ZNF124: variants seen among roughly 807,000 people sequenced by gnomAD.
ZNF124 encodes the protein zinc finger protein HZF-16.
In ZNF124, 25 loss-of-function variants were observed where a neutral mutation model predicts 26.6. The ratio of observed to expected loss-of-function variants is 0.94; its 90% CI spans 0.68 to 1.31. ZNF124 has a LOEUF of 1.31. Among genes scored for constraint, ZNF124 ranks in the 40% most tolerant of loss-of-function variants. ZNF124 has a pLI of 0.00. For missense variants in ZNF124, 444 were observed against 422.2 expected, an observed-to-expected ratio of 1.05 and a Z score of -0.45; for synonymous variants, 129 against 133.3, an observed-to-expected ratio of 0.97 and a Z score of 0.22.
intron 3 of ZNF124, among the ~76,000 whole-genome samples, chr1:247,133,104 A>G (rs1338590592): frequency 6.6e-6 from 1 of 152,198 alleles, no homozygotes; most frequent in African/African-American, 2.4e-5. Context: ...TTCATGAAGC[A>G]CACACAAGTA....
chr1:247,149,896 C>T (rs563014072), intron 3 of ZNF124: 1 of 152,338 alleles, frequency 6.6e-6, no homozygotes, highest in East Asian at 1.9e-4. Flanking sequence ...AAGCCATTGG[C>T]AGACTGTCTC....
chr1:247,145,474 CG>C (rs1364858622), intron 3 of ZNF124, among the ~76,000 whole-genome samples: 2 of 152,174 alleles, frequency 1.3e-5, no homozygotes, highest in South Asian at 2.1e-4. Context: ...TGAGAACGGT[CG>C]GGGGCCTCCC....
At chr1:247,141,477 GTC>G (rs1309761079) in intron 3 of ZNF124, among the ~76,000 whole-genome samples, 1 of 152,168 alleles carries the variant, frequency 6.6e-6, no homozygotes, top group Non-Finnish European at 1.5e-5. Flanking sequence ...GAAAAGACTA[GTC>G]TCTCGGTATG....
chr1:247,154,883 T>C (rs1477342778), downstream of ZNF124, among the ~76,000 whole-genome samples: 1 of 152,120 alleles, frequency 6.6e-6, no homozygotes, highest in Non-Finnish European at 1.5e-5. Context: ...AGAATAAATT[T>C]GAAAAACCAC....
At chr1:247,170,859 T>C (rs1423096331) in intron 1 of ZNF124, among the ~76,000 whole-genome samples, 1 of 126,702 alleles carries the variant, frequency 7.9e-6, no homozygotes, top group African/African-American at 3.6e-5. Context: ...CAAGGGTCAA[T>C]CTGTAACCAG....
At chr1:247,158,561 T>C (rs964275843) in intron 3 of ZNF124, among the ~76,000 whole-genome samples, 4 of 152,202 alleles carry the variant, frequency 2.6e-5, no homozygotes, top group South Asian at 2.1e-4. Flanking sequence ...CCATGTTACA[T>C]TGAAGTATAT....
chr1:247,143,229 C>A (rs1470571574), intron 3 of ZNF124, among the ~76,000 whole-genome samples: 1 of 151,806 alleles, frequency 6.6e-6, no homozygotes, highest in Non-Finnish European at 1.5e-5. Flanking sequence ...CAAGACACAC[C>A]CAAATGCCTA....
chr1:247,170,933 C>CT (rs1337888892), intron 1 of ZNF124, among the ~76,000 whole-genome samples: 1 of 99,920 alleles, frequency 1.0e-5, no homozygotes, highest in Non-Finnish European at 1.8e-5. Context: ...GTTTTTACTT[C>CT]TTCTTTCTTT....
chr1:247,143,353 C>T (rs1672677691), intron 3 of ZNF124, among the ~76,000 whole-genome samples: 1 of 152,166 alleles, frequency 6.6e-6, no homozygotes, highest in African/African-American at 2.4e-5. Context: ...AATGTGTGAT[C>T]AGAGGCTTTC....
intron 3 of ZNF124, among the ~76,000 whole-genome samples, chr1:247,126,145 T>C (rs1672216680): frequency 6.6e-6 from 1 of 151,664 alleles, no homozygotes; most frequent in South Asian, 2.1e-4. Context: ...TTAAATATCA[T>C]ATATATTATT....
In ZNF124 at chr1:247,155,197, C is replaced by T. The variant is rs1456071609; in HGVS notation, c.*1369G>A. Among the ~76,000 whole-genome samples the T allele has an allele frequency of 6.6e-6, 1 of 152,064 alleles. No homozygotes were observed. The highest frequency in any genetic ancestry group is 1.5e-5 in the Non-Finnish European group (1 of 67,998). ...AAATAATAATTCACGTGAGAATATA[C>T]TCTATAATAAACTTTACATACTTAC... is the stretch of plus-strand genomic sequence containing the variant. On this transcript the variant is annotated 3_prime_UTR_variant, in exon 4 of 4. Transcript: ENST00000543802.
intron 1 of ZNF124, among the ~76,000 whole-genome samples, chr1:247,169,196 G>C (rs1673951445): frequency 6.6e-6 from 1 of 152,062 alleles, no homozygotes; most frequent in Non-Finnish European, 1.5e-5. Context: ...GCCCAGGGAG[G>C]AGCAGCGCTA....
chr1:247,127,705 A>G (rs948777087), intron 3 of ZNF124, among the ~76,000 whole-genome samples: 5 of 148,606 alleles, frequency 3.4e-5, no homozygotes, highest in African/African-American at 1.2e-4. Flanking sequence ...GCCCCCAGTC[A>G]CGTACCCCCT....
intron 3 of ZNF124, among the ~76,000 whole-genome samples, chr1:247,136,129 G>A (rs1672478180): frequency 1.3e-5 from 2 of 152,108 alleles, no homozygotes; most frequent in Admixed American, 6.6e-5. Context: ...AGACAAGGAT[G>A]ACCTCTCTCA....
intron 3 of ZNF124, among the ~76,000 whole-genome samples, chr1:247,131,598 CT>C (rs1020167096): frequency 2.0e-5 from 3 of 152,226 alleles, no homozygotes; most frequent in African/African-American, 7.2e-5. Context: ...TTTTCCCCTG[CT>C]TTAGCCAGGG....
In ZNF124 at chr1:247,131,228, T is replaced by G. The variant is rs186206708; in HGVS notation, c.219-7357A>C. ...GAGAGCCAGGCGGGGAAGGGGAGCC[T>G]CCTCCTCCAGCCCAGGGAGGCAGTG... On this transcript the variant is annotated intron_variant, in intron 3 of 3. Transcript: ENST00000472531. Among the ~76,000 whole-genome samples the G allele has an allele frequency of 9.7e-4, 147 of 152,128 alleles. 3 individuals carry two copies. The highest frequency in any genetic ancestry group is 1.6e-4 in the Non-Finnish European group (11 of 67,982).
chr1:247,144,712 ACC>A (rs940943997), intron 3 of ZNF124, among the ~76,000 whole-genome samples: 1 of 152,030 alleles, frequency 6.6e-6, no homozygotes, highest in Non-Finnish European at 1.5e-5. Flanking sequence ...CTAGCTCTAA[ACC>A]CTAGTCTAGT....
intron 3 of ZNF124, among the ~76,000 whole-genome samples, chr1:247,131,902 A>G (rs2103100459): frequency 6.6e-6 from 1 of 152,284 alleles, no homozygotes; most frequent in African/African-American, 2.4e-5. Flanking sequence ...CCCCCAGTGA[A>G]GCACACCCTC....
intron 3 of ZNF124, among the ~76,000 whole-genome samples, chr1:247,130,606 AAT>A (rs1207256709): frequency 6.6e-6 from 1 of 152,236 alleles, no homozygotes; most frequent in Non-Finnish European, 1.5e-5. Flanking sequence ...TTTATGAAAT[AAT>A]ATGTTATCAT....
Sources: allele counts gnomAD v4.1 joint callset (sites outside exome capture counted in the v4.1 genomes callset), GRCh38; gene constraint gnomAD v4.1.1; transcripts MANE v1.5; gene names NCBI Gene and HGNC (gene_info 2026-07-23, HGNC 2026-07-21).